DOCK3: variants seen among roughly 807,000 people sequenced by gnomAD.
DOCK3 encodes the protein dedicator of cytokinesis 3.
DOCK3 carries 60 observed loss-of-function variants against 265.6 expected under a neutral mutation model. That is an observed-to-expected ratio of 0.23 (90% CI 0.18 to 0.28). The LOEUF is 0.28. DOCK3 is among the 10% of genes least tolerant of loss of function. The pLI is 1.00. For missense variants in DOCK3, 1,981 were observed against 2,594.3 expected (o/e 0.76, Z 5.14); for synonymous variants, 881 against 938.0 (o/e 0.94, Z 1.11).
intron 2 of DOCK3, among the ~76,000 whole-genome samples, chr3:50,801,790 G>A (rs2043083027): frequency 1.3e-5 from 2 of 152,332 alleles, no homozygotes; most frequent in South Asian, 4.1e-4. Context: ...ATTGCTGAGA[G>A]TGGAGTGTTG....
At chr3:51,149,950 G>A (rs1244069757) in intron 10 of DOCK3, among the ~76,000 whole-genome samples, 1 of 152,284 alleles carries the variant, frequency 6.6e-6, no homozygotes, top group Admixed American at 6.5e-5. Context: ...GTAGAATTCA[G>A]CTGTGAACCC....
chr3:51,265,158 G>T (rs1282775143), intron 23 of DOCK3, among the ~76,000 whole-genome samples: 1 of 152,176 alleles, frequency 6.6e-6, no homozygotes, highest in Non-Finnish European at 1.5e-5. Flanking sequence ...CCAGGAAGAA[G>T]TTGAACCCCT....
chr3:51,298,584 C>G (rs964251552), intron 27 of DOCK3, among the ~76,000 whole-genome samples: 3 of 152,210 alleles, frequency 2.0e-5, no homozygotes, highest in Admixed American at 2.0e-4. Flanking sequence ...TCCCCAACGC[C>G]CCAGTCTATG....
chr3:51,195,319 T>G (rs2088214898), intron 12 of DOCK3, among the ~76,000 whole-genome samples: 1 of 152,204 alleles, frequency 6.6e-6, no homozygotes, highest in Admixed American at 6.5e-5. Flanking sequence ...TTTTACTGGT[T>G]GTTGTGGTTT....
In DOCK3 at chr3:50,910,374, A is replaced by G. The variant is rs373461555; in HGVS notation, c.218+20293A>G. On this transcript the variant is annotated intron_variant, in intron 4 of 52. Coordinates refer to ENST00000266037, the MANE Select transcript of DOCK3 (RefSeq NM_004947.5). ...TGCAGCTCAGGGAGAGATCTTTTCC[A>G]CTGGTGACACAATCATTCCTTTGGC... is the stretch of plus-strand genomic sequence containing the variant. Among the ~76,000 whole-genome samples the G allele has an allele frequency of 4.6e-5, 7 of 151,924 alleles. No homozygotes were observed. The East Asian group carries it at 5.8e-4, about 13-fold the overall frequency.
intron 1 of DOCK3, among the ~76,000 whole-genome samples, chr3:50,741,621 T>C (rs941982707): frequency 1.3e-5 from 2 of 150,990 alleles, no homozygotes; most frequent in East Asian, 3.9e-4. Context: ...TTTTTATGGC[T>C]GCATAGTATT....
chr3:51,090,124 T>G (rs2082582535), intron 8 of DOCK3, 106 bp from the exon 9 acceptor site: 2 of 1,202,164 alleles, frequency 1.7e-6, no homozygotes, highest in Non-Finnish European at 2.3e-6. Flanking sequence ...TCAAATAATC[T>G]CCTTCAGTAG....
At chr3:51,208,993 CT>C (rs1412879252) in intron 13 of DOCK3, 131 bp downstream of exon 13, 2 of 736,160 alleles carry the variant, frequency 2.7e-6, no homozygotes, top group Admixed American at 5.9e-5. Context: ...GAGGCATTTC[CT>C]ACTCATTCTT....
At chr3:50,932,131 T>C (rs561509599) in intron 4 of DOCK3, among the ~76,000 whole-genome samples, 2 of 152,346 alleles carry the variant, frequency 1.3e-5, no homozygotes, top group East Asian at 3.9e-4. Flanking sequence ...AAAGCTTTTA[T>C]ATTAATGAGC....
intron 9 of DOCK3, among the ~76,000 whole-genome samples, chr3:51,124,026 A>G (rs2084154323): frequency 6.6e-6 from 1 of 152,130 alleles, no homozygotes; most frequent in Admixed American, 6.5e-5. Flanking sequence ...TTTGACTGCT[A>G]GGTTTTTAGA....
At chr3:50,935,632 C>T (rs1011358352) in intron 5 of DOCK3, among the ~76,000 whole-genome samples, 3 of 152,154 alleles carry the variant, frequency 2.0e-5, no homozygotes, top group African/African-American at 7.2e-5. Context: ...TGAGGCAGAC[C>T]CTGTGGGATA....
chr3:51,356,523 T>C, intron 43 of DOCK3, 30 bp downstream of exon 43: 1 of 1,600,240 alleles, frequency 6.2e-7, no homozygotes, highest in Non-Finnish European at 8.5e-7. Context: ...AAGCTGAGCT[T>C]CACAACTGCT....
In DOCK3 at chr3:51,016,539, ATATATATTT is replaced by A. The variant is rs1360638951; in HGVS notation, c.316-47908_316-47900del. ...CATATATTTCTATATAATATATGAT[ATATATATTT>A]ATATATATCATATATTATATATATA... On this transcript the variant is annotated intron_variant, in intron 5 of 52. Transcript: ENST00000266037. Among the ~76,000 whole-genome samples, 13 of 20,408 alleles carry A rather than the reference ATATATATTT, an allele frequency of 6.4e-4. 1 individual carries two copies. Among genetic ancestry groups the A allele is most frequent in the Admixed American group, 2.6e-3 (3 of 1,168 alleles). 13.4% of individuals were successfully genotyped at this position (20,408 alleles called of 152,430 possible).
intron 51 of DOCK3, 149 bp from the exon 52 acceptor site, chr3:51,379,976 G>T: frequency 1.6e-6 from 1 of 614,612 alleles, no homozygotes; most frequent in Non-Finnish European, 2.7e-6. Context: ...GAGAAGGCCA[G>T]TGTAAAGAGA....
intron 5 of DOCK3, among the ~76,000 whole-genome samples, chr3:51,010,760 G>T (rs2078912641): frequency 6.6e-6 from 1 of 152,196 alleles, no homozygotes; most frequent in South Asian, 2.1e-4. Flanking sequence ...ACTGGTACTG[G>T]TTGTTACTTT....
intron 46 of DOCK3, 105 bp from the exon 47 acceptor site, chr3:51,360,406 T>C: frequency 1.4e-6 from 2 of 1,429,352 alleles, no homozygotes; most frequent in South Asian, 1.4e-5. Context: ...TATGATTCTT[T>C]TTTGTTTCTT....
intron 12 of DOCK3, among the ~76,000 whole-genome samples, chr3:51,194,277 G>A (rs1371116853): frequency 1.3e-5 from 2 of 152,050 alleles, no homozygotes; most frequent in Non-Finnish European, 2.9e-5. Flanking sequence ...TACTTGATAT[G>A]ATTTTGATTT....
intron 5 of DOCK3, among the ~76,000 whole-genome samples, chr3:51,015,273 A>G (rs965374650): frequency 1.3e-5 from 2 of 152,080 alleles, no homozygotes; most frequent in African/African-American, 2.4e-5. Context: ...TGAATCTGTT[A>G]TATATGGCTT....
chr3:51,263,604 C>A (rs1276048677), intron 23 of DOCK3, among the ~76,000 whole-genome samples: 1 of 152,086 alleles, frequency 6.6e-6, no homozygotes, highest in Admixed American at 6.6e-5. Flanking sequence ...CTAAATGCCC[C>A]AATTAAAAGA....
Sources: gnomAD v4.1 joint callset for allele counts (sites outside exome capture counted in the v4.1 genomes callset) on GRCh38, gnomAD v4.1.1 for gene constraint, MANE v1.5 for transcripts, NCBI Gene and HGNC (gene_info 2026-07-23, HGNC 2026-07-21) for gene names.